METTL16: variants seen among roughly 807,000 people sequenced by gnomAD.
The protein encoded by METTL16 is RNA N(6)-adenosine-methyltransferase METTL16.
METTL16 carries 19 observed loss-of-function variants against 57.9 expected under a neutral mutation model. The observed-to-expected ratio is 0.33, with a 90% CI of 0.23 to 0.48. METTL16 has a LOEUF of 0.48. METTL16 is among the 20% of genes least tolerant of loss of function. METTL16 has a pLI of 0.99. For synonymous variants in METTL16, 246 were observed against 255.6 expected, an observed-to-expected ratio of 0.96 and a Z score of 0.36; for missense variants, 434 against 691.5, an observed-to-expected ratio of 0.63 and a Z score of 4.18.
intron 4 of METTL16, among the ~76,000 whole-genome samples, chr17:2,469,997 G>A (rs760827642): frequency 1.3e-5 from 2 of 152,110 alleles, no homozygotes; most frequent in Non-Finnish European, 2.9e-5. Flanking sequence ...TGATTCCCAG[G>A]GGAAATACAG....
intron 2 of METTL16, among the ~76,000 whole-genome samples, chr17:2,498,149 G>A (rs924422607): frequency 2.0e-5 from 3 of 148,966 alleles, no homozygotes; most frequent in African/African-American, 7.5e-5. Flanking sequence ...AGCCGAGATC[G>A]CGCCACTGCA....
intron 6 of METTL16, among the ~76,000 whole-genome samples, chr17:2,447,038 A>G (rs1467459702): frequency 2.2e-4 from 31 of 142,966 alleles, no homozygotes; most frequent in Admixed American, 4.1e-4. Flanking sequence ...CTGCTTGGCC[A>G]CCCATCGTCT....
intron 2 of METTL16, among the ~76,000 whole-genome samples, chr17:2,488,382 C>A (rs1168002837): frequency 6.6e-6 from 1 of 152,036 alleles, no homozygotes; most frequent in African/African-American, 2.4e-5. Context: ...TATGGTGAAA[C>A]CCCATCTCTA....
At position 2,490,133 on chromosome 17, in the gene METTL16, G is replaced by GT. The variant is rs1273130168; in HGVS notation, c.128+12070dup. On this transcript the variant is annotated intron_variant, in intron 2 of 9. Transcript: ENST00000263092. ...CAGATGCAGAGGAAAAGTCTGGAAG[G>GT]TAAGTAGGGACTCGATATGCACGCA... 1.6e-4 allele frequency among the ~76,000 whole-genome samples: 25 copies of GT among 152,304 alleles called. No individual in the cohort carries two copies. In the East Asian group the frequency reaches 4.4e-3, roughly 27 times the overall value.
Position 2,447,588 on chromosome 17 carries a change from G to GC in METTL16, c.729-6030dup, listed in dbSNP as rs1476109672. Among the ~76,000 whole-genome samples, 3 of 110,576 alleles carry GC rather than the reference G, an allele frequency of 2.7e-5. 1 individual carries two copies. The East Asian group carries it at 7.1e-4, about 26-fold the overall frequency. The allele number at this position is 110,576 out of a possible 152,430, so 72.5% of individuals were successfully genotyped here. On this transcript the variant is annotated intron_variant, in intron 6 of 9. Coordinates refer to ENST00000263092, the MANE Select transcript of METTL16 (RefSeq NM_024086.4). ...TCCAGGAGGGAGGTGGGGGGGGTCA[G>GC]CCCCCCGCCCGGCCAGCCGCCCAGT...
intron 2 of METTL16, among the ~76,000 whole-genome samples, chr17:2,493,262 T>G (rs1024020259): frequency 2.2e-4 from 33 of 151,562 alleles, no homozygotes; most frequent in Admixed American, 5.2e-4. Context: ...CTAATTTTTT[T>G]GTATTTTTAG....
In METTL16 at chr17:2,477,781, G is replaced by A. The variant is rs1415097337; in HGVS notation, c.233C>T (p.Thr78Ile). 1 of 1,613,724 alleles carries A rather than the reference G, an allele frequency of 6.2e-7. No homozygotes were observed. The change falls in exon 3 of 10, where the codon ACA (threonine) becomes ATA (isoleucine). Residue 78 changes from threonine (T) to isoleucine (I), a missense_variant. By Grantham distance (89) the Thr-to-Ile change is moderately conservative. Coordinates refer to ENST00000263092, the MANE Select transcript of METTL16 (RefSeq NM_024086.4). Reference protein sequence around the residue: ...IDIPLERLIPTVPLRLNYIHW... With the variant: ...IDIPLERLIPIVPLRLNYIHW... Reference sequence around the variant, plus strand: ...AATATAGTTGAGTCTCAAGGGAACTGTGGGAATTAGTCTCTCCAATGGAAT... The same window carrying A: ...AATATAGTTGAGTCTCAAGGGAACTATGGGAATTAGTCTCTCCAATGGAAT...
intron 8 of METTL16, among the ~76,000 whole-genome samples, chr17:2,425,283 G>T (rs751563039): frequency 6.6e-6 from 1 of 152,138 alleles, no homozygotes; most frequent in Non-Finnish European, 1.5e-5. Context: ...TAAATGAAGA[G>T]TGCTACACTC....
chr17:2,420,911 GA>G lies in METTL16; in HGVS notation c.889-8del, dbSNP rs1393035716. ...TTCGCTTACTTGGTGGTGACTGCAA[GA>G]AAAAGGAAGCATAGAAAAGAGAAGA... is the stretch of plus-strand genomic sequence containing the variant. On this transcript the variant is annotated splice_polypyrimidine_tract_variant and splice_region_variant and intron_variant, in intron 8 of 9. Coordinates refer to ENST00000263092, the MANE Select transcript of METTL16 (RefSeq NM_024086.4). The surrounding 1 kb of genome is among the most constrained non-coding windows in gnomAD (Gnocchi z 5.4). 1.2e-6 allele frequency: 2 copies of G among 1,608,832 alleles called. No individual in the cohort carries two copies. The highest frequency in any genetic ancestry group is 2.7e-5 in the African/African-American group (2 of 74,434).
intron 2 of METTL16, among the ~76,000 whole-genome samples, chr17:2,480,951 C>T (rs2067301362): frequency 1.3e-5 from 2 of 152,030 alleles, no homozygotes; most frequent in African/African-American, 2.4e-5. Context: ...ACCTGTAATC[C>T]CAACACTTTG....
At chr17:2,493,576 A>G (rs931712298) in intron 2 of METTL16, among the ~76,000 whole-genome samples, 2 of 151,990 alleles carry the variant, frequency 1.3e-5, no homozygotes, top group African/African-American at 4.8e-5. Flanking sequence ...AAAATTAGCC[A>G]GCTGTAGTGG....
rs76347228 is a variant in METTL16, at chr17:2,483,567, T to C, written c.129-5682A>G. Among the ~76,000 whole-genome samples, 446 of 152,266 alleles carry C rather than the reference T, an allele frequency of 2.9e-3. 3 individuals carry two copies. The highest frequency in any genetic ancestry group is 9.8e-3 in the African/African-American group (409 of 41,546). On this transcript the variant is annotated intron_variant, in intron 2 of 9. Coordinates refer to ENST00000263092, the MANE Select transcript of METTL16 (RefSeq NM_024086.4). ...TAATTTTGTCATTTATGGGGGCTAA[T>C]AAAAGAGGGTTAATCCAGGGGCAAC...
intron 2 of METTL16, among the ~76,000 whole-genome samples, chr17:2,478,476 T>C (rs1413255778): frequency 6.6e-6 from 1 of 152,228 alleles, no homozygotes; most frequent in Non-Finnish European, 1.5e-5. Context: ...TAAATGTAAC[T>C]TTTTAAAGCT....
At chr17:2,487,924 C>T (rs1375572557) in intron 2 of METTL16, among the ~76,000 whole-genome samples, 2 of 151,530 alleles carry the variant, frequency 1.3e-5, no homozygotes, top group African/African-American at 4.9e-5. Context: ...GAGGATCACT[C>T]AGCACAGGAG....
Position 2,444,672 on chromosome 17 carries a change from T to TGCAA in METTL16, c.729-3117_729-3114dup, listed in dbSNP as rs928036659. Reference sequence around the variant, plus strand: ...ACTCACACAGAGCAGCTTCTAGTCCTGCAAGCTCCACTCATGGTAAGTGCC... The same window carrying TGCAA: ...ACTCACACAGAGCAGCTTCTAGTCCTGCAAGCAAGCTCCACTCATGGTAAGTGCC... On this transcript the variant is annotated intron_variant, in intron 6 of 9. Coordinates refer to ENST00000263092, the MANE Select transcript of METTL16 (RefSeq NM_024086.4). Among the ~76,000 whole-genome samples the TGCAA allele has an allele frequency of 7.2e-4, 109 of 151,714 alleles. 1 individual carries two copies. Among genetic ancestry groups the TGCAA allele is most frequent in the Non-Finnish European group, 1.6e-4 (11 of 67,982 alleles).
rs1026420789 is a variant in METTL16 at position 2,420,774 on chromosome 17, A to C, written c.1019T>G (p.Val340Gly). ...TTTTTCAATCCATGTCGTGACAACG[A>C]CTATGCCTTCCGCCGTCTCCGAGCG... The part of the protein sequence containing the change: ...PLRSETAEGI[V>G]VVTTWIEKIL... Residue 340 changes from valine (V) to glycine (G), a missense_variant, in exon 9 of 10, where the codon GTC becomes GGC. This residue lies in a region of METTL16 where 96 missense variants were observed against 138.3 expected (regional missense o/e 0.69). Coordinates refer to ENST00000263092, the MANE Select transcript of METTL16 (RefSeq NM_024086.4). This position sits in a 1 kb window ranked among gnomAD's most constrained non-coding sequence, Gnocchi z 5.4. 3.1e-6 allele frequency: 5 copies of C among 1,614,078 alleles called. No individual in the cohort carries two copies. The highest frequency in any genetic ancestry group is 3.4e-6 in the Non-Finnish European group (4 of 1,180,034).
intron 6 of METTL16, among the ~76,000 whole-genome samples, chr17:2,442,686 C>T (rs918592177): frequency 2.6e-5 from 4 of 152,182 alleles, no homozygotes; most frequent in South Asian, 2.1e-4. Flanking sequence ...TAAGAGGGGA[C>T]GTCCCGCAGG....
intron 6 of METTL16, among the ~76,000 whole-genome samples, chr17:2,460,676 G>C (rs33997334): frequency 0.094 from 14,351 of 151,928 alleles, 862 homozygotes; most frequent in South Asian, 0.2. Flanking sequence ...ACCTGAGGTC[G>C]GGAGTTCAAG....
Position 2,504,271 on chromosome 17 carries a change from G to A in METTL16, c.1-1940C>T, listed in dbSNP as rs556213145. Among the ~76,000 whole-genome samples, 50 of 152,298 alleles carry A rather than the reference G, an allele frequency of 3.3e-4. 1 individual carries two copies. The South Asian group carries it at 5.8e-3, about 18-fold the overall frequency. On this transcript the variant is annotated intron_variant, in intron 1 of 9. Transcript: ENST00000263092. ...TAGGTACAGAGTTTCACTTTGGAAT[G>A]ATGACAAAGTTCTGGAGATAGAGGT...
Sources: gnomAD v4.1 joint callset for allele counts (sites outside exome capture counted in the v4.1 genomes callset) on GRCh38, gnomAD v4.1.1 for gene constraint, gnomAD v4.1.1 regional missense constraint, Gnocchi (gnomAD v3.1) non-coding constraint, MANE v1.5 for transcripts, NCBI Gene and HGNC (gene_info 2026-07-23, HGNC 2026-07-21) for gene names.